The following PVT1 variants were observed in gnomAD, a reference collection of about 807,000 sequenced individuals.
PVT1 encodes CXCR4/PVT1 fusion.
At chr8:127,843,301 T>C (rs1313783915) in intron 2 of PVT1, among the ~76,000 whole-genome samples, 2 of 152,170 alleles carry the variant, frequency 1.3e-5, no homozygotes, top group African/African-American at 4.8e-5. Context: ...GCTGGGATCA[T>C]GCCACTGCAC....
intron 4 of PVT1, among the ~76,000 whole-genome samples, chr8:128,004,433 G>T (rs1259409795): frequency 6.6e-6 from 1 of 152,166 alleles, no homozygotes; most frequent in Non-Finnish European, 1.5e-5. Flanking sequence ...GTGGGGTTGA[G>T]CTGGGTCTGC....
At chr8:127,999,937 A>T (rs1414047597) in intron 4 of PVT1, among the ~76,000 whole-genome samples, 1 of 152,190 alleles carries the variant, frequency 6.6e-6, no homozygotes, top group Non-Finnish European at 1.5e-5. Context: ...AGTCAGATGC[A>T]TGTAGAAAGA....
At chr8:127,811,721 C>T (rs1461760528) in intron 2 of PVT1, among the ~76,000 whole-genome samples, 1 of 152,156 alleles carries the variant, frequency 6.6e-6, no homozygotes, top group African/African-American at 2.4e-5. Context: ...TCTCCGTCCC[C>T]TCAACATATG....
At chr8:127,813,200 A>G (rs577729303) in intron 2 of PVT1, among the ~76,000 whole-genome samples, 1 of 147,208 alleles carries the variant, frequency 6.8e-6, no homozygotes, top group East Asian at 2.0e-4. Flanking sequence ...ACAAATATAT[A>G]TAATATACAA....
intron 4 of PVT1, among the ~76,000 whole-genome samples, chr8:128,028,195 C>T (rs1385192553): frequency 1.3e-5 from 2 of 152,262 alleles, no homozygotes; most frequent in Non-Finnish European, 2.9e-5. Flanking sequence ...CAAGCTGGCC[C>T]GAGCGCGCAA....
chr8:128,052,214 G>A (rs189045461), intron 4 of PVT1, among the ~76,000 whole-genome samples: 31 of 152,182 alleles, frequency 2.0e-4, no homozygotes, highest in Admixed American at 9.2e-4. Flanking sequence ...GGTCCCTGGG[G>A]GCCAGACTGG....
chr8:127,798,304 CA>C (rs1355435388), intron 2 of PVT1, among the ~76,000 whole-genome samples: 72 of 143,960 alleles, frequency 5.0e-4, no homozygotes, highest in South Asian at 2.2e-4. Flanking sequence ...AACTCAGTCT[CA>C]AAAAAAAAAC....
chr8:127,866,141 G>A (rs142401432), intron 2 of PVT1, among the ~76,000 whole-genome samples: 24 of 152,278 alleles, frequency 1.6e-4, no homozygotes, highest in East Asian at 1.5e-3. Flanking sequence ...GTCTGTTGGC[G>A]TTCTCAGGAG....
intron 2 of PVT1, among the ~76,000 whole-genome samples, chr8:127,813,175 A>G (rs1814618390): frequency 6.8e-6 from 1 of 147,474 alleles, no homozygotes. Flanking sequence ...ATATATACAA[A>G]TATATATAAT....
intron 2 of PVT1, among the ~76,000 whole-genome samples, chr8:127,842,016 G>A (rs374112084): frequency 5.9e-5 from 9 of 151,692 alleles, no homozygotes; most frequent in Non-Finnish European, 1.2e-4. Flanking sequence ...GAGCCACTGC[G>A]CCTGGCTAAA....
intron 2 of PVT1, among the ~76,000 whole-genome samples, chr8:127,838,117 G>A (rs951170271): frequency 1.3e-5 from 2 of 151,980 alleles, no homozygotes; most frequent in East Asian, 1.9e-4. Context: ...GGCTGGTCTC[G>A]AACTCCCAAC....
intron 2 of PVT1, among the ~76,000 whole-genome samples, chr8:127,828,740 C>G (rs908931498): frequency 2.0e-5 from 3 of 152,010 alleles, no homozygotes; most frequent in East Asian, 1.9e-4. Flanking sequence ...GTCCGCCCCC[C>G]CAGACTCATC....
In PVT1 at chr8:127,867,886, G is replaced by C. The variant is rs547111487; in HGVS notation, n.373-22703G>C. The stretch of plus-strand genomic sequence containing the variant: ...GTTGCTGCCTCCTGCTGAATCTGAA[G>C]TATGCCTTCACTGAGGGCAGGACGT... On this transcript the variant is annotated intron_variant and non_coding_transcript_variant, in intron 2 of 10. Coordinates refer to ENST00000651587, the Ensembl canonical transcript of PVT1. 1.5e-4 allele frequency among the ~76,000 whole-genome samples: 23 copies of C among 152,274 alleles called. No homozygotes were observed. In the South Asian group the frequency reaches 4.1e-3, roughly 27 times the overall value.
chr8:128,098,790 T>A (rs16902641), intron 6 of PVT1, among the ~76,000 whole-genome samples: 6,556 of 152,208 alleles, frequency 0.043, 466 homozygotes, highest in African/African-American at 0.15. Flanking sequence ...TAAATTCCTG[T>A]TAGTGCACCC....
chr8:127,802,227 T>C (rs1052584206), intron 2 of PVT1, among the ~76,000 whole-genome samples: 3 of 150,158 alleles, frequency 2.0e-5, no homozygotes, highest in African/African-American at 4.9e-5. Flanking sequence ...TTTGTTTATT[T>C]ATATGAGACA....
chr8:127,889,032 CT>C lies in PVT1; in HGVS notation n.373-1554del, dbSNP rs770579078. 3.6e-3 allele frequency among the ~76,000 whole-genome samples: 242 copies of C among 68,000 alleles called. 4 individuals are homozygous for C. Among genetic ancestry groups the C allele is most frequent in the African/African-American group, 0.013 (210 of 16,550 alleles). The allele number at this position is 68,000 out of a possible 152,430, so 44.6% of individuals were successfully genotyped here. A position where few individuals can be genotyped will look rare whatever the true frequency, so the allele number is the denominator to read the frequency against. On this transcript the variant is annotated intron_variant and non_coding_transcript_variant, in intron 2 of 10. Transcript: ENST00000651587. ...GTTTCAAACCCCTTTTCCTTTCTCTCTTTCTTTCTTCCTTCCTTCCTTCCTT... is the reference window on the plus strand; with the variant it reads ...GTTTCAAACCCCTTTTCCTTTCTCTCTTCTTTCTTCCTTCCTTCCTTCCTT...
chr8:127,860,188 G>T (rs1815205588), intron 2 of PVT1, among the ~76,000 whole-genome samples: 1 of 152,208 alleles, frequency 6.6e-6, no homozygotes, highest in Non-Finnish European at 1.5e-5. Context: ...ACGAGGAGCA[G>T]GTCCTGGTGG....
chr8:127,796,440 A>G (rs552651500), intron 2 of PVT1, among the ~76,000 whole-genome samples: 1 of 151,872 alleles, frequency 6.6e-6, no homozygotes, highest in Non-Finnish European at 1.5e-5. Flanking sequence ...GTGAATTCTC[A>G]CTGCCCACAT....
intron 4 of PVT1, among the ~76,000 whole-genome samples, chr8:128,009,241 G>A (rs1399740304): frequency 1.3e-5 from 2 of 152,136 alleles, no homozygotes; most frequent in African/African-American, 2.4e-5. Flanking sequence ...TAAAAGAAAT[G>A]ACAAGCTTTT....
Sources: allele counts gnomAD v4.1 joint callset (sites outside exome capture counted in the v4.1 genomes callset), GRCh38; gene constraint gnomAD v4.1.1; transcripts MANE v1.5; gene names NCBI Gene and HGNC (gene_info 2026-07-23, HGNC 2026-07-21).